The following DYNC2H1 variants were observed in gnomAD, a reference collection of about 807,000 sequenced individuals.
DYNC2H1 encodes the protein dynein cytoplasmic 2 heavy chain 1, also known as cytoplasmic dynein 2 heavy chain 1.
DYNC2H1 carries 410 observed loss-of-function variants against 570.0 expected under a neutral mutation model. The observed-to-expected ratio is 0.72, with a 90% CI of 0.66 to 0.78. The LOEUF (loss-of-function observed/expected upper bound fraction) is 0.78, where lower values mean the gene tolerates loss of function less well. Among genes scored for constraint, DYNC2H1 ranks in the 30% least tolerant of loss-of-function variants. DYNC2H1 has a pLI of 0.00. For missense variants in DYNC2H1, 4,865 were observed against 5,046.4 expected, an observed-to-expected ratio of 0.96 and a Z score of 1.09; for synonymous variants, 1,688 against 1,677.6, an observed-to-expected ratio of 1.01 and a Z score of -0.15.
chr11:103,332,313 A>G (rs2435917), intron 82 of DYNC2H1, among the ~76,000 whole-genome samples: 42 of 33,134 alleles, frequency 1.3e-3, no homozygotes, highest in African/African-American at 4.1e-3. Flanking sequence ...AAAAACTGGG[A>G]AAAAAAAAAA....
chr11:103,132,845 G>A lies in DYNC2H1; in HGVS notation c.1954-710G>A, dbSNP rs918603904. On this transcript the variant is annotated intron_variant, in intron 13 of 88. Coordinates refer to ENST00000375735, the MANE Select transcript of DYNC2H1 (RefSeq NM_001377.3). ...TTGTTGCCTCCAAGCTGGGGTGTAA[G>A]CTCAGCTTCCTACTGGGCCCTGTTG... Among the ~76,000 whole-genome samples the A allele has an allele frequency of 5.9e-5, 9 of 152,130 alleles. No homozygotes were observed. In the East Asian group the frequency reaches 1.4e-3, roughly 23 times the overall value.
In DYNC2H1 at chr11:103,334,587, A is replaced by G. The variant is rs1939016517; in HGVS notation, c.12039+10597A>G. ...AATAAATTCAAAGTTCAGTATTGGT[A>G]TCTAATATGTAACATCAATATAAAT... is the stretch of plus-strand genomic sequence containing the variant. On this transcript the variant is annotated intron_variant, in intron 82 of 88. Transcript: ENST00000375735. The surrounding 1 kb of genome is among the most constrained non-coding windows in gnomAD (Gnocchi z 4.3). Among the ~76,000 whole-genome samples the G allele has an allele frequency of 6.6e-6, 1 of 152,116 alleles. No individual in the cohort carries two copies. Among genetic ancestry groups the G allele is most frequent in the African/African-American group, 2.4e-5 (1 of 41,454 alleles).
rs58458188 is a variant in DYNC2H1 at position 103,396,870 on chromosome 11, C to G, written c.12157-2793C>G. Among the ~76,000 whole-genome samples, 151 of 152,216 alleles carry G rather than the reference C, an allele frequency of 9.9e-4. 1 individual carries two copies. The East Asian group carries it at 0.026, about 26-fold the overall frequency. ...GGCCATTATCCTCAGTGAAATAACT[C>G]AGAAACAAAGTCAAATACCACATGT... On this transcript the variant is annotated intron_variant, in intron 83 of 88. Transcript: ENST00000375735.
chr11:103,474,571 TC>T (rs1945493670), intron 88 of DYNC2H1, among the ~76,000 whole-genome samples: 1 of 152,186 alleles, frequency 6.6e-6, no homozygotes, highest in Non-Finnish European at 1.5e-5. Context: ...AATATGGTAG[TC>T]CCTCTGTATC....
chr11:103,375,581 T>C (rs1207030931), intron 83 of DYNC2H1, among the ~76,000 whole-genome samples: 5 of 152,358 alleles, frequency 3.3e-5, no homozygotes, highest in African/African-American at 1.2e-4. Context: ...TGCATCAGCA[T>C]GGCTTAGATT....
At chr11:103,233,970 G>T in intron 60 of DYNC2H1, 64 bp from the exon 61 acceptor site, 10 of 1,437,848 alleles carry the variant, frequency 7.0e-6, no homozygotes, top group South Asian at 4.0e-5. Flanking sequence ...ATTACCTATG[G>T]ATAATTTCAT....
rs12283450 is a variant in DYNC2H1 at position 103,316,325 on chromosome 11, A to G, written c.11650-220A>G. ...TTGTGTTGCCACATAACTAACTAAA[A>G]CTAGTATGGTATTATAAAGTACTTT... On this transcript the variant is annotated intron_variant, in intron 79 of 88. Transcript: ENST00000375735. Among the ~76,000 whole-genome samples, 25,196 of 151,876 alleles carry G rather than the reference A, an allele frequency of 0.17. 2,275 individuals carry two copies. The highest frequency in any genetic ancestry group is 0.25 in the Admixed American group (3,875 of 15,252).
At chr11:103,313,304 CTCTA>C (rs1443908427) in intron 79 of DYNC2H1, among the ~76,000 whole-genome samples, 2 of 152,174 alleles carry the variant, frequency 1.3e-5, no homozygotes, top group African/African-American at 2.4e-5. Context: ...ACCAAAGGCT[CTCTA>C]TCTGTTATCG....
At chr11:103,360,504 A>G (rs1023717564) in intron 83 of DYNC2H1, among the ~76,000 whole-genome samples, 12 of 152,178 alleles carry the variant, frequency 7.9e-5, no homozygotes, top group Admixed American at 2.0e-4. Context: ...TGTCTGGCAT[A>G]TGTAAGCACT....
At chr11:103,184,295 C>T (rs1861976809) in intron 40 of DYNC2H1, among the ~76,000 whole-genome samples, 1 of 151,910 alleles carries the variant, frequency 6.6e-6, no homozygotes, top group Non-Finnish European at 1.5e-5. Flanking sequence ...AAACCTGGCA[C>T]CACATACAGA....
In DYNC2H1 at chr11:103,122,823, A is replaced by G; in HGVS notation, c.1486-2A>G. 6.2e-7 allele frequency: 1 copy of G among 1,610,592 alleles called. No individual in the cohort carries two copies. Among genetic ancestry groups the G allele is most frequent in the African/African-American group, 1.3e-5 (1 of 74,996 alleles). ...CACATGTCTGTAATTTGGCTTTTTA[A>G]GGTAGATGATACTATCAAGATTGCA... On this transcript the variant is annotated splice_acceptor_variant, in intron 10 of 88. Transcript: ENST00000375735. LOFTEE classifies it high-confidence loss of function.
chr11:103,414,926 C>G (rs930715127), intron 84 of DYNC2H1, among the ~76,000 whole-genome samples: 1 of 152,108 alleles, frequency 6.6e-6, no homozygotes, highest in Non-Finnish European at 1.5e-5. Flanking sequence ...TATGTACCAC[C>G]ATAGAATCAA....
chr11:103,305,742 T>C lies in DYNC2H1; in HGVS notation c.11382+1022T>C, dbSNP rs1334669548. The stretch of plus-strand genomic sequence containing the variant: ...AGTAAATTTTTGATGAGTAAGTTAA[T>C]GAGTGAGTGAATGAGTTGATGGACC... On this transcript the variant is annotated intron_variant, in intron 77 of 88. Coordinates refer to ENST00000375735, the MANE Select transcript of DYNC2H1 (RefSeq NM_001377.3). This position sits in a 1 kb window ranked among gnomAD's most constrained non-coding sequence, Gnocchi z 4.3. Among the ~76,000 whole-genome samples the C allele has an allele frequency of 1.3e-5, 2 of 152,152 alleles. No homozygotes were observed. Among genetic ancestry groups the C allele is most frequent in the Admixed American group, 6.5e-5 (1 of 15,270 alleles).
At chr11:103,355,235 A>G (rs1387210328) in intron 82 of DYNC2H1, among the ~76,000 whole-genome samples, 3 of 152,132 alleles carry the variant, frequency 2.0e-5, no homozygotes, top group African/African-American at 4.8e-5. Context: ...CTAGTCTGCC[A>G]TATTCCCTGT....
intron 82 of DYNC2H1, among the ~76,000 whole-genome samples, chr11:103,354,288 AT>A (rs1940215327): frequency 6.7e-6 from 1 of 149,282 alleles, no homozygotes; most frequent in Non-Finnish European, 1.5e-5. Flanking sequence ...TTTTAGATTC[AT>A]TTTTCCCCTT....
chr11:103,168,806 A>G lies in DYNC2H1; in HGVS notation c.4814A>G (p.His1605Arg), dbSNP rs1861442493. Residue 1605 changes from histidine to arginine, a missense_variant, in exon 32 of 89, where the codon CAT becomes CGT. Physicochemically the swap from His to Arg is conservative, Grantham distance 29. Coordinates refer to ENST00000375735, the MANE Select transcript of DYNC2H1 (RefSeq NM_001377.3). ...KLKALILDIIHNIDVVKQLNQ... is the reference protein window; with the variant it reads ...KLKALILDIIRNIDVVKQLNQ... ...AAAGCCCTAATTCTTGACATTATCC[A>G]TAATATTGATGTGGTAAAGCAGTTA... 8 of 1,613,178 alleles carry G rather than the reference A, an allele frequency of 5.0e-6. No homozygotes were observed. Among genetic ancestry groups the G allele is most frequent in the African/African-American group, 2.7e-5 (2 of 74,892 alleles).
chr11:103,360,565 G>T (rs984691799), intron 83 of DYNC2H1, among the ~76,000 whole-genome samples: 1 of 151,812 alleles, frequency 6.6e-6, no homozygotes, highest in Non-Finnish European at 1.5e-5. Context: ...TATTATGAAT[G>T]GTCATTTATA....
chr11:103,140,892 C>A (rs1184701217), intron 17 of DYNC2H1, among the ~76,000 whole-genome samples: 1 of 152,140 alleles, frequency 6.6e-6, no homozygotes, highest in Non-Finnish European at 1.5e-5. Flanking sequence ...TTCTTGGGGG[C>A]TTTGCTCATT....
intron 87 of DYNC2H1, among the ~76,000 whole-genome samples, chr11:103,459,824 C>A (rs1300864793): frequency 2.0e-5 from 3 of 150,968 alleles, no homozygotes; most frequent in Non-Finnish European, 4.4e-5. Flanking sequence ...CGGTGGCGGG[C>A]GCCTGTAGTC....
Sources: allele counts gnomAD v4.1 joint callset (sites outside exome capture counted in the v4.1 genomes callset), GRCh38; gene constraint gnomAD v4.1.1; non-coding constraint Gnocchi (gnomAD v3.1); transcripts MANE v1.5; gene names NCBI Gene and HGNC (gene_info 2026-07-23, HGNC 2026-07-21).